The following TRIO variants were observed in gnomAD, a reference collection of about 807,000 sequenced individuals.
The protein encoded by TRIO is trio Rho guanine nucleotide exchange factor.
Under a neutral mutation model 351.9 loss-of-function variants are expected in TRIO, and 58 were observed. That is an observed-to-expected ratio of 0.16 (90% CI 0.13 to 0.21). TRIO has a LOEUF of 0.21. Among genes scored for constraint, TRIO ranks in the 10% least tolerant of loss-of-function variants. The pLI is 1.00. For synonymous variants in TRIO, 1,758 were observed against 1,595.7 expected, an observed-to-expected ratio of 1.10 and a Z score of -2.42; for missense variants, 3,201 against 4,027.8, an observed-to-expected ratio of 0.79 and a Z score of 5.56.
chr5:14,479,865 A>C, intron 42 of TRIO, 54 bp from the exon 43 acceptor site: 4 of 1,540,656 alleles, frequency 2.6e-6, no homozygotes, highest in Non-Finnish European at 3.6e-6. Context: ...AAGACTAAAA[A>C]ATTGCCCTTT....
intron 40 of TRIO, among the ~76,000 whole-genome samples, chr5:14,475,028 G>C (rs1282476018): frequency 6.6e-6 from 1 of 152,112 alleles, no homozygotes; most frequent in East Asian, 1.9e-4. Flanking sequence ...ATTCAACTCT[G>C]ATCCCACTAC....
At chr5:14,165,504 C>G (rs898080815) in intron 1 of TRIO, among the ~76,000 whole-genome samples, 4 of 152,198 alleles carry the variant, frequency 2.6e-5, no homozygotes, top group Non-Finnish European at 4.4e-5. Flanking sequence ...TTTATCCAGT[C>G]TACCATTGGC....
intron 8 of TRIO, among the ~76,000 whole-genome samples, chr5:14,314,232 C>T (rs1397576089): frequency 6.6e-6 from 1 of 152,194 alleles, no homozygotes; most frequent in African/African-American, 2.4e-5. Flanking sequence ...GTAGTTTAAT[C>T]TACCTTTGCA....
intron 34 of TRIO, among the ~76,000 whole-genome samples, chr5:14,423,821 G>C (rs1449989732): frequency 6.6e-6 from 1 of 151,998 alleles, no homozygotes; most frequent in Non-Finnish European, 1.5e-5. Flanking sequence ...CCCCACTCAG[G>C]ACATCTGGAA....
At chr5:14,469,967 G>A (rs939665809) in intron 37 of TRIO, among the ~76,000 whole-genome samples, 2 of 152,270 alleles carry the variant, frequency 1.3e-5, no homozygotes, top group African/African-American at 4.8e-5. Context: ...TGGGGGATGG[G>A]GGGTACAGAA....
intron 34 of TRIO, among the ~76,000 whole-genome samples, chr5:14,422,428 C>G (rs60871697): frequency 6.6e-6 from 1 of 152,242 alleles, no homozygotes; most frequent in Admixed American, 6.5e-5. Context: ...TCATAACACC[C>G]TGATCCAACT....
intron 23 of TRIO, 85 bp from the exon 24 acceptor site, chr5:14,388,528 C>T: frequency 7.5e-7 from 1 of 1,326,962 alleles, no homozygotes; most frequent in Non-Finnish European, 1.1e-6. Flanking sequence ...TTTAGACCCA[C>T]TCTGTTATTT....
chr5:14,397,212 T>A, intron 29 of TRIO, 58 bp downstream of exon 29: 1 of 1,379,764 alleles, frequency 7.2e-7, no homozygotes, highest in Non-Finnish European at 1.0e-6. Flanking sequence ...ACACTGTTTG[T>A]AAATGGATTT....
chr5:14,195,649 G>T (rs919752083), intron 1 of TRIO, among the ~76,000 whole-genome samples: 1 of 152,106 alleles, frequency 6.6e-6, no homozygotes, highest in African/African-American at 2.4e-5. Context: ...AAATTCTTCC[G>T]CTTATTCCAC....
intron 14 of TRIO, among the ~76,000 whole-genome samples, chr5:14,364,173 A>T (rs1329902610): frequency 2.6e-5 from 4 of 152,222 alleles, no homozygotes; most frequent in African/African-American, 9.6e-5. Flanking sequence ...CTACACAATG[A>T]TATGTTGTAT....
At chr5:14,368,977 G>A (rs1432418497) in intron 17 of TRIO, 78 bp downstream of exon 17, 16 of 1,480,680 alleles carry the variant, frequency 1.1e-5, no homozygotes, top group Non-Finnish European at 1.2e-5. Context: ...CTCAATCATT[G>A]TTAACATGTT....
chr5:14,282,016 A>G lies in TRIO; in HGVS notation c.347+1580A>G, dbSNP rs140909182. ...ACAGGGCTGGCTGTGGCTGATGGCA[A>G]TCAGCTTTTGGTCTTGATAGTTTGA... On this transcript the variant is annotated intron_variant, in intron 3 of 56. Transcript: ENST00000344204. Among the ~76,000 whole-genome samples, 23 of 152,336 alleles carry G rather than the reference A, an allele frequency of 1.5e-4. No homozygotes were observed. The East Asian group carries it at 3.9e-3, about 26-fold the overall frequency.
At chr5:14,364,556 T>A in intron 14 of TRIO, 94 bp from the exon 15 acceptor site, 5 of 1,462,070 alleles carry the variant, frequency 3.4e-6, no homozygotes, top group Non-Finnish European at 3.7e-6. Flanking sequence ...GCTGGGCAGA[T>A]CATTCACAAA....
chr5:14,262,589 C>T (rs1438288418), intron 1 of TRIO, among the ~76,000 whole-genome samples: 1 of 152,108 alleles, frequency 6.6e-6, no homozygotes, highest in Non-Finnish European at 1.5e-5. Flanking sequence ...GAATTAAGAA[C>T]ATCTATTAGG....
At chr5:14,227,348 A>G (rs184552745) in intron 1 of TRIO, among the ~76,000 whole-genome samples, 2 of 152,312 alleles carry the variant, frequency 1.3e-5, no homozygotes, top group Admixed American at 1.3e-4. Flanking sequence ...CGTTTGTGAT[A>G]AAGGACAGGG....
In TRIO at chr5:14,465,526, T is replaced by C. The variant is rs762149653; in HGVS notation, c.5668-19T>C. 21 of 1,613,570 alleles carry C rather than the reference T, an allele frequency of 1.3e-5. No individual in the cohort carries two copies. The African/African-American group carries it at 1.7e-4, about 13-fold the overall frequency. Reference sequence around the variant, plus strand: ...TGAGCCCTTGCCCCACCCCCTCCTTTTCTTAATTTCTTCTGTAGGCCTCTT... The same window carrying C: ...TGAGCCCTTGCCCCACCCCCTCCTTCTCTTAATTTCTTCTGTAGGCCTCTT... On this transcript the variant is annotated intron_variant, in intron 36 of 56. Transcript: ENST00000344204.
At chr5:14,229,426 G>A (rs1040294474) in intron 1 of TRIO, among the ~76,000 whole-genome samples, 1 of 152,232 alleles carries the variant, frequency 6.6e-6, no homozygotes, top group Non-Finnish European at 1.5e-5. Context: ...CTGCAGTACT[G>A]TTGTAAGGCC....
chr5:14,281,076 C>T (rs1372430815), intron 3 of TRIO, among the ~76,000 whole-genome samples: 1 of 152,146 alleles, frequency 6.6e-6, no homozygotes, highest in Non-Finnish European at 1.5e-5. Flanking sequence ...TGTTTCTGCT[C>T]TGGAAATGTA....
chr5:14,381,307 A>C (rs1418547207), intron 21 of TRIO, 55 bp downstream of exon 21: 3 of 1,534,402 alleles, frequency 2.0e-6, no homozygotes, highest in Non-Finnish European at 2.6e-6. Context: ...CGAGTCTTCA[A>C]AAATATCATA....
Sources: gnomAD v4.1 joint callset for allele counts (sites outside exome capture counted in the v4.1 genomes callset) on GRCh38, gnomAD v4.1.1 for gene constraint, MANE v1.5 for transcripts, NCBI Gene and HGNC (gene_info 2026-07-23, HGNC 2026-07-21) for gene names.